The following BPIFC variants were observed in gnomAD, a reference collection of about 807,000 sequenced individuals.
BPIFC encodes the protein BPI fold-containing family C protein.
Under a neutral mutation model 57.6 loss-of-function variants are expected in BPIFC, and 60 were observed. That is an observed-to-expected ratio of 1.04 (90% confidence interval 0.85 to 1.29). The LOEUF (loss-of-function observed/expected upper bound fraction) is 1.29. Ranked by LOEUF, BPIFC falls within the 50% of genes most tolerant of loss-of-function variation. The pLI, the probability that BPIFC is intolerant of heterozygous loss-of-function variation, is 0.00. For missense variants in BPIFC, 581 were observed against 600.5 expected (o/e 0.97, Z 0.34); for synonymous variants, 243 against 224.5 (o/e 1.08, Z -0.74).
At position 32,414,376 on chromosome 22, in the gene BPIFC, T is replaced by A; in HGVS notation, c.1451A>T (p.Gln484Leu). The change falls in exon 17 of 17, where the codon CAG becomes CTG. Residue 484 changes from glutamine to leucine, a missense_variant. Gln to Leu is a moderately radical substitution (Grantham distance 113). Coordinates refer to ENST00000300399, the MANE Select transcript of BPIFC (RefSeq NM_174932.3). ...TTCCCATACGTGGAAACTTGGCTGC[T>A]GCTTTGAGGATGTTTCATACTTCAG... ...TDLKYETSSK[Q>L]QPSFHVWEGL... The A allele has an allele frequency of 3.1e-6, 5 of 1,614,114 alleles. No homozygotes were observed. Among genetic ancestry groups the A allele is most frequent in the Non-Finnish European group, 4.2e-6 (5 of 1,179,958 alleles).
At chr22:32,431,026 A>G (rs1178781804) in intron 13 of BPIFC, among the ~76,000 whole-genome samples, 1 of 152,044 alleles carries the variant, frequency 6.6e-6, no homozygotes, top group African/African-American at 2.4e-5. Context: ...GCTTGACAGT[A>G]CCATTTTTAG....
At chr22:32,456,471 T>G (rs34733998) in intron 3 of BPIFC, among the ~76,000 whole-genome samples, 10,691 of 147,096 alleles carry the variant, frequency 0.073, 417 homozygotes, top group Admixed American at 0.079. Flanking sequence ...TTCCCTCATT[T>G]ATTTATTTTA....
chr22:32,427,385 C>A (rs1002331103), intron 13 of BPIFC, among the ~76,000 whole-genome samples: 7 of 152,166 alleles, frequency 4.6e-5, no homozygotes, highest in Admixed American at 4.6e-4. Context: ...TGATTAAATT[C>A]TTCCTTGAGA....
At chr22:32,454,220 G>A (rs1183789139) in intron 3 of BPIFC, among the ~76,000 whole-genome samples, 1 of 152,116 alleles carries the variant, frequency 6.6e-6, no homozygotes, top group Non-Finnish European at 1.5e-5. Flanking sequence ...AGTTCCAGAA[G>A]GTTATTCCAC....
chr22:32,414,751 A>G (rs911549963), intron 16 of BPIFC, among the ~76,000 whole-genome samples: 7 of 152,078 alleles, frequency 4.6e-5, no homozygotes, highest in Non-Finnish European at 1.0e-4. Flanking sequence ...TGACCACCTC[A>G]GCCTCCCAAA....
chr22:32,438,842 G>A (rs1335525699), intron 8 of BPIFC, among the ~76,000 whole-genome samples: 1 of 151,890 alleles, frequency 6.6e-6, no homozygotes, highest in Admixed American at 6.6e-5. Flanking sequence ...CAAGGAGTAT[G>A]CTTTACTGTT....
At chr22:32,417,291 T>G (rs1376899628) in intron 14 of BPIFC, 143 bp from the exon 15 acceptor site, 1 of 639,862 alleles carries the variant, frequency 1.6e-6, no homozygotes, top group African/African-American at 1.9e-5. Context: ...TCTTCCTGCC[T>G]CAGCCTCTCA....
chr22:32,420,038 C>G (rs1275625504), intron 13 of BPIFC, among the ~76,000 whole-genome samples: 1 of 152,048 alleles, frequency 6.6e-6, no homozygotes, highest in Admixed American at 6.6e-5. Flanking sequence ...ACAGTTTTGG[C>G]CGGGCATGGT....
intron 9 of BPIFC, 95 bp from the exon 10 acceptor site, chr22:32,435,975 T>C: frequency 7.1e-7 from 1 of 1,400,388 alleles, no homozygotes; most frequent in Non-Finnish European, 9.6e-7. Flanking sequence ...AGAATAAGAA[T>C]TCCAGAAGCT....
chr22:32,439,088 G>A (rs1443944640), intron 8 of BPIFC, among the ~76,000 whole-genome samples: 1 of 152,138 alleles, frequency 6.6e-6, no homozygotes, highest in South Asian at 2.1e-4. Context: ...CACTTTGGGA[G>A]GCTGAGGTGG....
At chr22:32,449,972 G>T (rs1294976063) in intron 4 of BPIFC, among the ~76,000 whole-genome samples, 1 of 151,774 alleles carries the variant, frequency 6.6e-6, no homozygotes, top group Non-Finnish European at 1.5e-5. Flanking sequence ...CTGACCTTCT[G>T]ATCCACCCAC....
In BPIFC at chr22:32,447,343, G is replaced by A. The variant is rs1934759063; in HGVS notation, c.246-3C>T. ...ATGAAAAGGCACTGATTTTTATACT[G>A]TAAAACCAGAAACAAGAAGTTAGGG... On this transcript the variant is annotated splice_polypyrimidine_tract_variant and splice_region_variant and intron_variant, in intron 4 of 16. Coordinates refer to ENST00000300399, the MANE Select transcript of BPIFC (RefSeq NM_174932.3). 2 of 1,609,492 alleles carry A rather than the reference G, an allele frequency of 1.2e-6. No homozygotes were observed. Among genetic ancestry groups the A allele is most frequent in the Admixed American group, 1.7e-5 (1 of 58,810 alleles).
intron 2 of BPIFC, among the ~76,000 whole-genome samples, chr22:32,459,864 A>G (rs1320180575): frequency 6.6e-6 from 1 of 151,666 alleles, no homozygotes; most frequent in Non-Finnish European, 1.5e-5. Flanking sequence ...ATAAAATAAA[A>G]TAAAATAAAA....
At chr22:32,442,815 A>G (rs1934602227) in intron 7 of BPIFC, 84 bp from the exon 8 acceptor site, 3 of 1,299,404 alleles carry the variant, frequency 2.3e-6, no homozygotes, top group African/African-American at 2.9e-5. Flanking sequence ...CCCTGCAAAC[A>G]AAGGCCTTCT....
At chr22:32,415,462 G>A (rs1021963262) in intron 16 of BPIFC, among the ~76,000 whole-genome samples, 1 of 152,186 alleles carries the variant, frequency 6.6e-6, no homozygotes, top group African/African-American at 2.4e-5. Flanking sequence ...TTCGATCCCT[G>A]AACTCAAAGG....
At chr22:32,460,654 G>C (rs1568963312) in intron 2 of BPIFC, among the ~76,000 whole-genome samples, 1 of 152,184 alleles carries the variant, frequency 6.6e-6, no homozygotes, top group Non-Finnish European at 1.5e-5. Context: ...TATGCCTGCA[G>C]AAACCGTGCA....
Position 32,432,447 on chromosome 22 carries a change from C to T in BPIFC, c.1075G>A (p.Asp359Asn), listed in dbSNP as rs140684884. The change falls in exon 12 of 17, where the codon GAC becomes AAC. Residue 359 changes from aspartate (D) to asparagine (N), a missense_variant. Transcript: ENST00000300399. The part of the protein sequence containing the change: ...INLQPGNFTL[D>N]IPASIMMLTQ... ...AGCATCATGATGGAGGCAGGGATGT[C>T]CAGGGTGAAATTGCCTGGTTGTAGA... The T allele has an allele frequency of 3.9e-5, 63 of 1,613,874 alleles. No homozygotes were observed. The highest frequency in any genetic ancestry group is 5.3e-5 in the Non-Finnish European group (62 of 1,180,020).
At chr22:32,431,652 G>C (rs991558515) in intron 12 of BPIFC, among the ~76,000 whole-genome samples, 1 of 151,420 alleles carries the variant, frequency 6.6e-6, no homozygotes, top group Non-Finnish European at 1.5e-5. Flanking sequence ...TCTCCTAATC[G>C]CTCTTCTTTA....
chr22:32,431,195 C>G (rs1179438632), intron 13 of BPIFC, 152 bp downstream of exon 13: 7 of 531,532 alleles, frequency 1.3e-5, no homozygotes, highest in Admixed American at 9.9e-5. Context: ...CTTACTGCAA[C>G]CTCTGCCTCC....
Sources: gnomAD v4.1 joint callset for allele counts (sites outside exome capture counted in the v4.1 genomes callset) on GRCh38, gnomAD v4.1.1 for gene constraint, MANE v1.5 for transcripts, NCBI Gene and HGNC (gene_info 2026-07-23, HGNC 2026-07-21) for gene names.